The following CPA6 variants were observed in gnomAD, a reference collection of about 807,000 sequenced individuals.
CPA6 encodes the protein carboxypeptidase A6.
CPA6 carries 58 observed loss-of-function variants against 63.3 expected under a neutral mutation model. The ratio of observed to expected loss-of-function variants is 0.92; its 90% CI spans 0.74 to 1.14. The LOEUF (loss-of-function observed/expected upper bound fraction) is 1.14, where lower values mean the gene tolerates loss of function less well. Among genes scored for constraint, CPA6 ranks in the 50% most tolerant of loss-of-function variants. CPA6 has a pLI of 0.00. For synonymous variants in CPA6, 185 were observed against 179.0 expected, an observed-to-expected ratio of 1.03 and a Z score of -0.27; for missense variants, 565 against 526.6, an observed-to-expected ratio of 1.07 and a Z score of -0.71.
chr8:67,652,639 G>T (rs1214344842), intron 1 of CPA6, among the ~76,000 whole-genome samples: 17 of 149,542 alleles, frequency 1.1e-4, no homozygotes, highest in Non-Finnish European at 9.0e-5. Flanking sequence ...CTGGATATTA[G>T]CCCTTTGTCA....
intron 8 of CPA6, among the ~76,000 whole-genome samples, chr8:67,475,810 TTTC>T (rs1563967489): frequency 4.9e-4 from 36 of 73,754 alleles, no homozygotes; most frequent in Admixed American, 1.0e-3. Context: ...TCTTTCTTTC[TTTC>T]TTTCCTTTCT....
chr8:67,675,580 G>A (rs1238654716), intron 1 of CPA6, among the ~76,000 whole-genome samples: 1 of 152,126 alleles, frequency 6.6e-6, no homozygotes, highest in Non-Finnish European at 1.5e-5. Context: ...GAGGCACTCA[G>A]CATTTCCATG....
At chr8:67,461,795 G>A (rs929982782) in intron 8 of CPA6, among the ~76,000 whole-genome samples, 2 of 151,560 alleles carry the variant, frequency 1.3e-5, no homozygotes, top group Non-Finnish European at 2.9e-5. Context: ...CCTCCCGGAC[G>A]GGGCGGCTGG....
intron 8 of CPA6, among the ~76,000 whole-genome samples, chr8:67,443,414 G>A (rs1443238317): frequency 6.6e-6 from 1 of 152,004 alleles, no homozygotes; most frequent in African/African-American, 2.4e-5. Flanking sequence ...TGTTTCCTTC[G>A]AATACATCTC....
At chr8:67,566,653 A>G (rs1007366160) in intron 2 of CPA6, among the ~76,000 whole-genome samples, 1 of 152,158 alleles carries the variant, frequency 6.6e-6, no homozygotes, top group Non-Finnish European at 1.5e-5. Context: ...TTGGTTGATA[A>G]CATGTACAAC....
rs1043433304 is a variant in CPA6 at position 67,711,402 on chromosome 8, G to A, written c.116+34612C>T. On this transcript the variant is annotated intron_variant, in intron 1 of 10. Coordinates refer to ENST00000297770, the MANE Select transcript of CPA6 (RefSeq NM_020361.5). ...TACAGAAAATATCAGATTTATCAGG[G>A]TTTCCACACAGCATTTGAAACAAGC... Among the ~76,000 whole-genome samples, 4 of 152,296 alleles carry A rather than the reference G, an allele frequency of 2.6e-5. No homozygotes were observed. In the South Asian group the frequency reaches 8.3e-4, roughly 32 times the overall value.
At chr8:67,659,740 T>A (rs1587679390) in intron 1 of CPA6, among the ~76,000 whole-genome samples, 1 of 152,318 alleles carries the variant, frequency 6.6e-6, no homozygotes, top group South Asian at 2.1e-4. Flanking sequence ...AAGCAAAACT[T>A]TACATTCCCC....
chr8:67,591,113 GT>G (rs1353969733), intron 2 of CPA6, among the ~76,000 whole-genome samples: 1 of 151,814 alleles, frequency 6.6e-6, no homozygotes, highest in Non-Finnish European at 1.5e-5. Context: ...TGGCTAGCCA[GT>G]TTTCCCAGCA....
chr8:67,488,843 G>T (rs1344780880), intron 6 of CPA6, among the ~76,000 whole-genome samples: 4 of 152,056 alleles, frequency 2.6e-5, no homozygotes, highest in African/African-American at 9.7e-5. Context: ...CTCATGATTT[G>T]GCTCTCTGTT....
chr8:67,732,427 T>C lies in CPA6; in HGVS notation c.116+13587A>G, dbSNP rs557098638. On this transcript the variant is annotated intron_variant, in intron 1 of 10. Transcript: ENST00000297770. The stretch of plus-strand genomic sequence containing the variant: ...CCTTCCTCCTCTTCTTCCCTCCTTT[T>C]TCCTTTGAAAATCTTCACTGAACAT... 7.2e-5 allele frequency among the ~76,000 whole-genome samples: 11 copies of C among 152,336 alleles called. 1 individual carries two copies. In the East Asian group the frequency reaches 1.9e-3, roughly 27 times the overall value.
At chr8:67,544,724 AT>A (rs1812776739) in intron 2 of CPA6, among the ~76,000 whole-genome samples, 1 of 152,204 alleles carries the variant, frequency 6.6e-6, no homozygotes, top group Admixed American at 6.5e-5. Context: ...TGGATTGCAG[AT>A]GTAATTCGCT....
intron 3 of CPA6, among the ~76,000 whole-genome samples, chr8:67,517,095 C>T (rs1812161547): frequency 6.6e-6 from 1 of 151,844 alleles, no homozygotes; most frequent in Admixed American, 6.6e-5. Context: ...CGCACCCGGC[C>T]CCACCTGCTC....
intron 1 of CPA6, among the ~76,000 whole-genome samples, chr8:67,673,677 C>T (rs538029993): frequency 6.6e-6 from 1 of 152,090 alleles, no homozygotes; most frequent in East Asian, 1.9e-4. Flanking sequence ...CAGGTGTGAG[C>T]CACTGCGCCT....
chr8:67,657,582 A>T (rs190501504), intron 1 of CPA6, among the ~76,000 whole-genome samples: 2 of 152,232 alleles, frequency 1.3e-5, no homozygotes, highest in Non-Finnish European at 2.9e-5. Flanking sequence ...GTTCACTGGT[A>T]TCTCCAGCAA....
At chr8:67,576,152 A>T (rs913367588) in intron 2 of CPA6, among the ~76,000 whole-genome samples, 1 of 152,176 alleles carries the variant, frequency 6.6e-6, no homozygotes, top group Non-Finnish European at 1.5e-5. Flanking sequence ...AGTACTGTAC[A>T]TTTTAACATC....
intron 2 of CPA6, among the ~76,000 whole-genome samples, chr8:67,594,251 C>T (rs1242737006): frequency 6.6e-6 from 1 of 152,148 alleles, no homozygotes; most frequent in African/African-American, 2.4e-5. Context: ...GCCGAGAGAT[C>T]CGCTGTTAGT....
chr8:67,642,793 TCACA>T (rs61054637), intron 1 of CPA6, among the ~76,000 whole-genome samples: 1,682 of 145,156 alleles, frequency 0.012, 17 homozygotes, highest in African/African-American at 0.028. Flanking sequence ...GGCCTTTATC[TCACA>T]CACACACACA....
At chr8:67,592,282 C>G (rs1033503703) in intron 2 of CPA6, among the ~76,000 whole-genome samples, 1 of 152,026 alleles carries the variant, frequency 6.6e-6, no homozygotes, top group African/African-American at 2.4e-5. Context: ...TGCTGGATTC[C>G]GTTTGCCAGT....
chr8:67,622,661 C>A (rs945314981), intron 2 of CPA6, among the ~76,000 whole-genome samples: 5 of 152,116 alleles, frequency 3.3e-5, no homozygotes, highest in Non-Finnish European at 7.4e-5. Flanking sequence ...AGAGAAAAAT[C>A]AAACCATAAA....
Sources: gnomAD v4.1 joint callset for allele counts (sites outside exome capture counted in the v4.1 genomes callset) on GRCh38, gnomAD v4.1.1 for gene constraint, MANE v1.5 for transcripts, NCBI Gene and HGNC (gene_info 2026-07-23, HGNC 2026-07-21) for gene names.